The following RGS13 variants were observed in gnomAD, a reference collection of about 807,000 sequenced individuals.
RGS13 encodes regulator of G-protein signalling 13.
A neutral mutation model predicts 19.9 loss-of-function variants in RGS13; 14 were observed. The observed-to-expected ratio is 0.70, with a 90% CI of 0.46 to 1.10. The LOEUF is 1.10. Ranked by LOEUF, RGS13 falls within the 50% of genes least tolerant of loss-of-function variation. RGS13 has a pLI of 0.00. For synonymous variants in RGS13, 60 were observed against 56.8 expected (o/e 1.06, Z -0.25); for missense variants, 205 against 187.1 (o/e 1.10, Z -0.56).
chr1:192,637,890 C>G (rs1193330090), intron 2 of RGS13, among the ~76,000 whole-genome samples: 1 of 152,016 alleles, frequency 6.6e-6, no homozygotes, highest in Non-Finnish European at 1.5e-5. Flanking sequence ...ATGTTTTAAT[C>G]AAATCCTTAT....
intron 3 of RGS13, among the ~76,000 whole-genome samples, chr1:192,641,103 GAGAGAGAA>G (rs1663095690): frequency 7.1e-6 from 1 of 141,830 alleles, no homozygotes; most frequent in Admixed American, 7.2e-5. Flanking sequence ...AAGAGAAAAA[GAGAGAGAA>G]AGAGAGAAAG....
intron 3 of RGS13, among the ~76,000 whole-genome samples, chr1:192,642,389 A>G (rs1663140342): frequency 6.8e-6 from 1 of 148,124 alleles, no homozygotes. Flanking sequence ...TGGTGTGATC[A>G]CGGCACACTG....
chr1:192,643,379 A>T (rs994660910), intron 3 of RGS13, among the ~76,000 whole-genome samples: 24 of 152,238 alleles, frequency 1.6e-4, no homozygotes, highest in Middle Eastern at 3.4e-3. Context: ...TAAAATGTGG[A>T]TTTAATGACT....
At chr1:192,657,798 AACCCTGCTCTT>A (rs1378923238) in intron 5 of RGS13, among the ~76,000 whole-genome samples, 19 of 152,062 alleles carry the variant, frequency 1.2e-4, no homozygotes, top group African/African-American at 4.3e-4. Flanking sequence ...TTACATTCAA[AACCCTGCTCTT>A]ACCCTACAGT....
intron 5 of RGS13, among the ~76,000 whole-genome samples, chr1:192,656,400 C>A (rs9287126): frequency 0.41 from 61,164 of 150,962 alleles, 14,021 homozygotes; most frequent in East Asian, 0.66. Flanking sequence ...TGCCACCATT[C>A]AGCTGTCTCT....
rs1434760654 is a variant in RGS13, at chr1:192,660,002, G to C, written c.*479G>C. 6.6e-6 allele frequency: 1 copy of C among 151,794 alleles called. No individual in the cohort carries two copies. The highest frequency in any genetic ancestry group is 1.5e-5 in the Non-Finnish European group (1 of 67,914). The allele number at this position is 151,794 out of a possible 1,614,324, so 9.4% of individuals were successfully genotyped here. A position where few individuals can be genotyped will look rare whatever the true frequency, so the allele number is the denominator to read the frequency against. On this transcript the variant is annotated 3_prime_UTR_variant, in exon 7 of 7. Coordinates refer to ENST00000391995, the MANE Select transcript of RGS13 (RefSeq NM_002927.5). ...TATTATACCATGAGAAAATCAAAAA[G>C]GTGTTCTTCAGAGACATTTTATCTA...
intron 2 of RGS13, among the ~76,000 whole-genome samples, 183 bp downstream of exon 2, chr1:192,637,843 G>T (rs371909942): frequency 1.3e-5 from 2 of 152,038 alleles, no homozygotes; most frequent in East Asian, 1.9e-4. Context: ...AGATGCCCTT[G>T]GTTGGATTTA....
chr1:192,654,621 G>A (rs1471723654), intron 5 of RGS13, among the ~76,000 whole-genome samples: 1 of 151,940 alleles, frequency 6.6e-6, no homozygotes, highest in Admixed American at 6.6e-5. Context: ...ATTTCTAATG[G>A]TACTGCAACG....
intron 3 of RGS13, among the ~76,000 whole-genome samples, chr1:192,638,649 C>G (rs1663053786): frequency 6.6e-6 from 1 of 152,096 alleles, no homozygotes; most frequent in South Asian, 2.1e-4. Flanking sequence ...GTCACTGGAA[C>G]AGCGTCCAGT....
intron 5 of RGS13, among the ~76,000 whole-genome samples, chr1:192,650,441 GT>G (rs1377907934): frequency 1.3e-5 from 2 of 152,058 alleles, no homozygotes; most frequent in African/African-American, 2.4e-5. Context: ...ATAAAAATGT[GT>G]TTACATTAAC....
At chr1:192,657,953 G>T (rs961697948) in intron 5 of RGS13, among the ~76,000 whole-genome samples, 1 of 152,048 alleles carries the variant, frequency 6.6e-6, no homozygotes, top group East Asian at 1.9e-4. Context: ...ACACTGGTGG[G>T]CATTTTGCTC....
At chr1:192,641,509 C>T (rs567625876) in intron 3 of RGS13, among the ~76,000 whole-genome samples, 24 of 152,264 alleles carry the variant, frequency 1.6e-4, no homozygotes, top group African/African-American at 5.8e-4. Flanking sequence ...CCCTGCTCCA[C>T]TGAAACCACT....
intron 4 of RGS13, chr1:192,645,145 T>A (rs1476138360): frequency 1.3e-5 from 2 of 152,176 alleles, no homozygotes; most frequent in East Asian, 3.9e-4. Flanking sequence ...GACCCAAAGC[T>A]CAGCATTTTA....
At chr1:192,649,621 C>A (rs1447473292) in intron 5 of RGS13, among the ~76,000 whole-genome samples, 4 of 152,060 alleles carry the variant, frequency 2.6e-5, no homozygotes, top group Non-Finnish European at 2.9e-5. Flanking sequence ...ACACCCTAAC[C>A]CAAAACATTT....
intron 5 of RGS13, among the ~76,000 whole-genome samples, chr1:192,649,532 A>G (rs1408152210): frequency 6.6e-6 from 1 of 152,108 alleles, no homozygotes; most frequent in East Asian, 1.9e-4. Context: ...AATAGTAATA[A>G]AGTACATGTC....
At chr1:192,648,632 T>C (rs1663261748) in intron 5 of RGS13, among the ~76,000 whole-genome samples, 1 of 152,058 alleles carries the variant, frequency 6.6e-6, no homozygotes, top group African/African-American at 2.4e-5. Flanking sequence ...AAAAAAAATG[T>C]AGGGTGTAGA....
intron 5 of RGS13, among the ~76,000 whole-genome samples, chr1:192,654,983 C>G (rs1663409105): frequency 6.6e-6 from 1 of 152,018 alleles, no homozygotes; most frequent in Non-Finnish European, 1.5e-5. Flanking sequence ...GTCTTCTGAG[C>G]ATAATGTTCA....
intron 3 of RGS13, among the ~76,000 whole-genome samples, chr1:192,641,819 T>A (rs1352471945): frequency 6.6e-6 from 1 of 152,204 alleles, no homozygotes; most frequent in East Asian, 1.9e-4. Context: ...ATGTGTTTTA[T>A]GAAAATAGCC....
At chr1:192,645,598 A>C (rs983774762) in intron 4 of RGS13, 1 of 152,150 alleles carries the variant, frequency 6.6e-6, no homozygotes, top group Non-Finnish European at 1.5e-5. Context: ...AAATGCTTTC[A>C]TATCCGTTTG....
Sources: gnomAD v4.1 joint callset for allele counts (sites outside exome capture counted in the v4.1 genomes callset) on GRCh38, gnomAD v4.1.1 for gene constraint, MANE v1.5 for transcripts, NCBI Gene and HGNC (gene_info 2026-07-23, HGNC 2026-07-21) for gene names.